Variants in APBB1IP observed in about 807,000 individuals in gnomAD.
APBB1IP encodes amyloid beta precursor protein binding family B member 1 interacting protein, also known as amyloid beta A4 precursor protein-binding family B member 1-interacting protein.
A neutral mutation model predicts 64.9 loss-of-function variants in APBB1IP; 27 were observed. The ratio of observed to expected loss-of-function variants is 0.42; its 90% CI spans 0.31 to 0.57. The LOEUF (loss-of-function observed/expected upper bound fraction) is 0.57, where lower values mean the gene tolerates loss of function less well. Ranked by LOEUF, APBB1IP falls within the 20% of genes least tolerant of loss-of-function variation. APBB1IP has a pLI of 0.20. For missense variants in APBB1IP, 812 were observed against 845.5 expected, an observed-to-expected ratio of 0.96 and a Z score of 0.49; for synonymous variants, 392 against 331.0, an observed-to-expected ratio of 1.18 and a Z score of -2.00.
intron 3 of APBB1IP, among the ~76,000 whole-genome samples, chr10:26,493,014 G>T (rs1048982041): frequency 1.3e-4 from 20 of 152,278 alleles, no homozygotes; most frequent in African/African-American, 4.8e-4. Flanking sequence ...CCCCAGAGCG[G>T]CCATTTTAGA....
chr10:26,536,901 G>A (rs1023900464), intron 10 of APBB1IP, among the ~76,000 whole-genome samples: 6 of 151,844 alleles, frequency 4.0e-5, no homozygotes, highest in Non-Finnish European at 7.4e-5. Context: ...ATGAGTCACC[G>A]CACCCAGCTC....
intron 2 of APBB1IP, among the ~76,000 whole-genome samples, chr10:26,444,582 T>G (rs901248378): frequency 6.6e-6 from 1 of 152,182 alleles, no homozygotes; most frequent in Non-Finnish European, 1.5e-5. Flanking sequence ...ACTGGAAGGA[T>G]GAAATTGTCA....
chr10:26,503,517 C>G (rs944627458), intron 6 of APBB1IP, among the ~76,000 whole-genome samples: 3 of 151,990 alleles, frequency 2.0e-5, no homozygotes, highest in Non-Finnish European at 4.4e-5. Flanking sequence ...TGCCTGTAGT[C>G]CCAGCTACTC....
intron 2 of APBB1IP, among the ~76,000 whole-genome samples, chr10:26,462,363 T>C (rs1243165580): frequency 6.6e-6 from 1 of 152,224 alleles, no homozygotes; most frequent in Non-Finnish European, 1.5e-5. Context: ...GTTAGAATGA[T>C]GGTTGCCATT....
chr10:26,523,729 G>A (rs990830158), intron 8 of APBB1IP, among the ~76,000 whole-genome samples: 1 of 152,088 alleles, frequency 6.6e-6, no homozygotes, highest in Non-Finnish European at 1.5e-5. Context: ...AGCATTTTGG[G>A]AGGCCAAGGT....
intron 2 of APBB1IP, among the ~76,000 whole-genome samples, chr10:26,487,082 C>A (rs967637110): frequency 1.4e-4 from 21 of 151,212 alleles, no homozygotes; most frequent in Non-Finnish European, 3.1e-4. Context: ...TCTAACTCCA[C>A]CCAGTCACGA....
intron 2 of APBB1IP, among the ~76,000 whole-genome samples, chr10:26,488,000 C>T (rs531061588): frequency 2.4e-4 from 36 of 152,286 alleles, no homozygotes; most frequent in African/African-American, 8.2e-4. Context: ...CCAATAATTA[C>T]TCTTAATAAT....
intron 11 of APBB1IP, among the ~76,000 whole-genome samples, chr10:26,543,694 AG>A (rs1836726469): frequency 6.6e-6 from 1 of 152,152 alleles, no homozygotes; most frequent in Non-Finnish European, 1.5e-5. Context: ...TGTGATGTCA[AG>A]TAGTAACAAG....
At chr10:26,565,970 G>C (rs9334062) in intron 14 of APBB1IP, among the ~76,000 whole-genome samples, 57,600 of 152,062 alleles carry the variant, frequency 0.38, 12,513 homozygotes, top group Non-Finnish European at 0.49. Context: ...TTTAATCCCA[G>C]AGTTAGTTTT....
chr10:26,501,961 A>G (rs1836106935), intron 5 of APBB1IP: 1 of 152,200 alleles, frequency 6.6e-6, no homozygotes, highest in Non-Finnish European at 1.5e-5. Flanking sequence ...TTGTGTACTT[A>G]TTATAGAAAA....
At chr10:26,548,333 C>T (rs1836791994) in intron 11 of APBB1IP, among the ~76,000 whole-genome samples, 1 of 135,074 alleles carries the variant, frequency 7.4e-6, no homozygotes. Flanking sequence ...GCTATCCCTC[C>T]CCCCTCCCCC....
chr10:26,494,549 C>T lies in APBB1IP; in HGVS notation c.73-1755C>T, dbSNP rs558908129. Among the ~76,000 whole-genome samples the T allele has an allele frequency of 6.4e-4, 98 of 152,202 alleles. 3 individuals are homozygous for T. The South Asian group carries it at 0.011, about 17-fold the overall frequency. ...AGGAAAAAATAAACCAATTCTAGAC[C>T]GGGCACAGTGGCTCACACCTGTAAT... On this transcript the variant is annotated intron_variant, in intron 3 of 14. Coordinates refer to ENST00000376236, the MANE Select transcript of APBB1IP (RefSeq NM_019043.4).
At chr10:26,522,466 CT>C (rs968146507) in intron 8 of APBB1IP, among the ~76,000 whole-genome samples, 3 of 151,850 alleles carry the variant, frequency 2.0e-5, no homozygotes, top group Non-Finnish European at 2.9e-5. Context: ...TATATTGTTC[CT>C]TTTTTTTCCC....
chr10:26,480,620 C>CTTTTT (rs535190399), intron 2 of APBB1IP, among the ~76,000 whole-genome samples: 3 of 83,936 alleles, frequency 3.6e-5, no homozygotes, highest in Admixed American at 1.3e-4. Context: ...TGAGCTGCTT[C>CTTTTT]TTTTTTTTTT....
At chr10:26,522,903 C>T (rs1329615058) in intron 8 of APBB1IP, among the ~76,000 whole-genome samples, 1 of 149,776 alleles carries the variant, frequency 6.7e-6, no homozygotes, top group Non-Finnish European at 1.5e-5. Context: ...ACTCGGGAGG[C>T]TGAGGCAGGA....
chr10:26,567,500 A>C lies in APBB1IP; in HGVS notation c.*12A>C, dbSNP rs199822653. ...GCAACGTGTCCTAGGGACGGGCATGATGAGTGTTCCAGAGGGAGAAGCATC... is the reference window on the plus strand; with the variant it reads ...GCAACGTGTCCTAGGGACGGGCATGCTGAGTGTTCCAGAGGGAGAAGCATC... On this transcript the variant is annotated 3_prime_UTR_variant, in exon 15 of 15. Coordinates refer to ENST00000376236, the MANE Select transcript of APBB1IP (RefSeq NM_019043.4). 3.2e-6 allele frequency: 5 copies of C among 1,552,980 alleles called. No individual in the cohort carries two copies. Among genetic ancestry groups the C allele is most frequent in the Non-Finnish European group, 4.4e-6 (5 of 1,139,514 alleles).
rs368897034 is a variant in APBB1IP, at chr10:26,482,495, A to G, written c.1-9832A>G. On this transcript the variant is annotated intron_variant, in intron 2 of 14. Coordinates refer to ENST00000376236, the MANE Select transcript of APBB1IP (RefSeq NM_019043.4). ...TCTAAGTTATTTTCAATCACACTGT[A>G]CACAGGTGACTTCACAGTTTCCACC... 3.3e-5 allele frequency among the ~76,000 whole-genome samples: 5 copies of G among 152,332 alleles called. 1 individual carries two copies. The highest frequency in any genetic ancestry group is 1.2e-4 in the African/African-American group (5 of 41,582).
intron 5 of APBB1IP, among the ~76,000 whole-genome samples, chr10:26,502,587 A>G (rs1258608594): frequency 6.6e-6 from 1 of 151,816 alleles, no homozygotes; most frequent in Non-Finnish European, 1.5e-5. Context: ...GCTTGTAGTG[A>G]GCCAAGATCA....
At chr10:26,530,213 CT>C (rs1411667537) in intron 8 of APBB1IP, among the ~76,000 whole-genome samples, 1 of 124,346 alleles carries the variant, frequency 8.0e-6, no homozygotes, top group Non-Finnish European at 1.7e-5. Context: ...GTACTTAAAG[CT>C]TTTTTTTCTT....
Sources: gnomAD v4.1 joint callset for allele counts (sites outside exome capture counted in the v4.1 genomes callset) on GRCh38, gnomAD v4.1.1 for gene constraint, MANE v1.5 for transcripts, NCBI Gene and HGNC (gene_info 2026-07-23, HGNC 2026-07-21) for gene names.